NRXN1: variants seen among roughly 807,000 people sequenced by gnomAD.
NRXN1 encodes neurexin 1.
NRXN1 carries 39 observed loss-of-function variants against 150.9 expected under a neutral mutation model. The observed-to-expected ratio is 0.26, with a 90% CI of 0.20 to 0.34. NRXN1 has a LOEUF of 0.34. NRXN1 is among the 10% of genes least tolerant of loss of function. The pLI is 1.00. For missense variants in NRXN1, 1,815 were observed against 1,949.9 expected (o/e 0.93, Z 1.30); for synonymous variants, 924 against 757.0 (o/e 1.22, Z -3.62).
intron 5 of NRXN1, among the ~76,000 whole-genome samples, chr2:50,652,676 T>C (rs1451679528): frequency 6.6e-6 from 1 of 152,080 alleles, no homozygotes; most frequent in Non-Finnish European, 1.5e-5. Flanking sequence ...CGAATTTTTG[T>C]ATAGACACAT....
intron 18 of NRXN1, chr2:50,174,514 T>G (rs1196576027): frequency 1.3e-5 from 2 of 152,158 alleles, no homozygotes; most frequent in Non-Finnish European, 2.9e-5. Flanking sequence ...TATTTTAGAT[T>G]CAGATTCAAC....
chr2:50,455,399 C>T (rs1330916295), intron 17 of NRXN1, among the ~76,000 whole-genome samples: 1 of 152,096 alleles, frequency 6.6e-6, no homozygotes, highest in East Asian at 1.9e-4. Flanking sequence ...CAGGCAGCAG[C>T]CTCTCATACT....
chr2:50,386,623 G>C (rs924888379), intron 17 of NRXN1, among the ~76,000 whole-genome samples: 6 of 152,092 alleles, frequency 3.9e-5, no homozygotes, highest in African/African-American at 1.4e-4. Flanking sequence ...AATTGACAGG[G>C]AGCTACTGAT....
chr2:50,041,648 GGTAAAC>G (rs1690983122), intron 21 of NRXN1, among the ~76,000 whole-genome samples: 1 of 152,138 alleles, frequency 6.6e-6, no homozygotes, highest in South Asian at 2.1e-4. Context: ...GCAAGGAAAA[GGTAAAC>G]TCCTATGAAG....
chr2:50,611,127 C>A (rs980272046), intron 8 of NRXN1, among the ~76,000 whole-genome samples: 19 of 117,500 alleles, frequency 1.6e-4, no homozygotes, highest in Middle Eastern at 4.8e-3. Flanking sequence ...GCAATTTAAA[C>A]AAGATGCTCT....
At chr2:50,624,087 A>G (rs1680551333) in intron 5 of NRXN1, among the ~76,000 whole-genome samples, 1 of 152,104 alleles carries the variant, frequency 6.6e-6, no homozygotes, top group African/African-American at 2.4e-5. Context: ...TTCCAGCTTC[A>G]TCACACGTAT....
intron 17 of NRXN1, among the ~76,000 whole-genome samples, chr2:50,286,625 G>A (rs937210784): frequency 2.0e-5 from 3 of 152,070 alleles, no homozygotes; most frequent in African/African-American, 7.2e-5. Context: ...TGAAGAGGTA[G>A]AATGATAAAC....
intron 17 of NRXN1, among the ~76,000 whole-genome samples, chr2:50,272,288 T>C (rs1574860994): frequency 6.6e-6 from 1 of 152,182 alleles, no homozygotes; most frequent in East Asian, 1.9e-4. Context: ...ACTATAGACC[T>C]ACCATCTGCA....
At chr2:50,842,324 C>T (rs12613986) in intron 5 of NRXN1, among the ~76,000 whole-genome samples, 16,183 of 152,160 alleles carry the variant, frequency 0.11, 1,804 homozygotes, top group African/African-American at 0.28. Flanking sequence ...AAAACATAGG[C>T]TAACAATTAA....
At chr2:50,968,654 T>G (rs1200399656) in intron 2 of NRXN1, among the ~76,000 whole-genome samples, 1 of 152,088 alleles carries the variant, frequency 6.6e-6, no homozygotes, top group Non-Finnish European at 1.5e-5. Flanking sequence ...TGTATTATAT[T>G]TTCACATTTA....
chr2:50,381,335 G>A (rs2080944391), intron 17 of NRXN1, among the ~76,000 whole-genome samples: 1 of 151,908 alleles, frequency 6.6e-6, no homozygotes. Flanking sequence ...CTTATATTGT[G>A]AACAAAGGAA....
At chr2:50,004,206 C>T (rs970302282) in intron 21 of NRXN1, among the ~76,000 whole-genome samples, 1 of 151,986 alleles carries the variant, frequency 6.6e-6, no homozygotes, top group African/African-American at 2.4e-5. Flanking sequence ...ATCTATCAAT[C>T]AGGATAGTGA....
At chr2:50,829,841 ATTATT>A (rs556853030) in intron 5 of NRXN1, among the ~76,000 whole-genome samples, 22 of 152,050 alleles carry the variant, frequency 1.4e-4, no homozygotes, top group Middle Eastern at 3.4e-3. Context: ...TCTTTCACAG[ATTATT>A]TTATTTTTTT....
At chr2:50,773,852 T>G (rs1289964026) in intron 5 of NRXN1, among the ~76,000 whole-genome samples, 1 of 152,128 alleles carries the variant, frequency 6.6e-6, no homozygotes, top group African/African-American at 2.4e-5. Context: ...AATCACACTT[T>G]GCTCAACACA....
chr2:50,324,535 A>G (rs2076261080), intron 17 of NRXN1, among the ~76,000 whole-genome samples: 1 of 152,020 alleles, frequency 6.6e-6, no homozygotes, highest in African/African-American at 2.4e-5. Flanking sequence ...CTTTTATTTT[A>G]TTTTATTTTA....
chr2:50,069,890 A>T (rs776669810), intron 19 of NRXN1, among the ~76,000 whole-genome samples: 64 of 141,380 alleles, frequency 4.5e-4, no homozygotes, highest in Non-Finnish European at 5.1e-4. Context: ...TCGCTCTGTC[A>T]CCCAGGCTGG....
intron 19 of NRXN1, among the ~76,000 whole-genome samples, chr2:50,070,389 G>A (rs1040510107): frequency 6.6e-6 from 1 of 152,086 alleles, no homozygotes; most frequent in East Asian, 1.9e-4. Flanking sequence ...TGTGATCATG[G>A]GATCAGTACT....
intron 5 of NRXN1, among the ~76,000 whole-genome samples, chr2:50,752,247 A>C (rs1700676671): frequency 6.6e-6 from 1 of 151,924 alleles, no homozygotes; most frequent in Admixed American, 6.6e-5. Context: ...ATATTTGTAC[A>C]ATTATTCCTC....
chr2:50,610,714 T>TATACTATA (rs1677951687), intron 8 of NRXN1, among the ~76,000 whole-genome samples: 2 of 127,388 alleles, frequency 1.6e-5, no homozygotes, highest in Admixed American at 1.8e-4. Flanking sequence ...ACTTAGCCCA[T>TATACTATA]ATACTATAGT....
Sources: gnomAD v4.1 joint callset for allele counts (sites outside exome capture counted in the v4.1 genomes callset) on GRCh38, gnomAD v4.1.1 for gene constraint, MANE v1.5 for transcripts, NCBI Gene and HGNC (gene_info 2026-07-23, HGNC 2026-07-21) for gene names.